RNF38: variants seen among roughly 807,000 people sequenced by gnomAD.
The protein encoded by RNF38 is E3 ubiquitin-protein ligase RNF38.
Under a neutral mutation model 67.2 loss-of-function variants are expected in RNF38, and 15 were observed. The observed-to-expected ratio is 0.22, with a 90% CI of 0.15 to 0.34. The LOEUF (loss-of-function observed/expected upper bound fraction) is 0.34, where lower values mean the gene tolerates loss of function less well. Among genes scored for constraint, RNF38 ranks in the 10% least tolerant of loss-of-function variants. The probability of loss-of-function intolerance (pLI) is 1.00; values close to 1 mark genes in which losing one functional copy is unlikely to be tolerated. For missense variants in RNF38, 524 were observed against 639.9 expected (o/e 0.82, Z 1.95); for synonymous variants, 220 against 218.8 (o/e 1.01, Z -0.05).
chr9:36,454,669 G>A (rs148253752), intron 1 of RNF38, among the ~76,000 whole-genome samples: 193 of 133,496 alleles, frequency 1.4e-3, no homozygotes, highest in African/African-American at 5.1e-3. Context: ...TGCAACCTCC[G>A]CCTCCCAGGT....
intron 1 of RNF38, among the ~76,000 whole-genome samples, chr9:36,391,598 G>C (rs1003409922): frequency 6.6e-6 from 1 of 151,284 alleles, no homozygotes; most frequent in African/African-American, 2.4e-5. Context: ...CAAAAACAAA[G>C]GCATCGTTTC....
In RNF38 at chr9:36,339,472, G is replaced by A. The variant is rs1035925304; in HGVS notation, c.*280C>T. The stretch of plus-strand genomic sequence containing the variant: ...CCACTGTAATCTTGCAGCAACACTC[G>A]GAATGATCACACAAAAACCAGGGAA... On this transcript the variant is annotated 3_prime_UTR_variant, in exon 12 of 12. Coordinates refer to ENST00000259605, the MANE Select transcript of RNF38 (RefSeq NM_022781.5). The A allele has an allele frequency of 1.8e-5, 7 of 399,970 alleles. No homozygotes were observed. The highest frequency in any genetic ancestry group is 8.0e-5 in the African/African-American group (4 of 50,270). 24.8% of individuals were successfully genotyped at this position (399,970 alleles called of 1,614,324 possible). A position where few individuals can be genotyped will look rare whatever the true frequency, so the allele number is the denominator to read the frequency against.
chr9:36,371,781 T>C (rs1238445521), intron 3 of RNF38, among the ~76,000 whole-genome samples: 1 of 152,084 alleles, frequency 6.6e-6, no homozygotes, highest in African/African-American at 2.4e-5. Flanking sequence ...TTTTCTCGTA[T>C]TGCCTTCTTC....
In RNF38 at chr9:36,376,426, G is replaced by A. The variant is rs149158213; in HGVS notation, c.163-299C>T. 7.9e-5 allele frequency among the ~76,000 whole-genome samples: 12 copies of A among 152,162 alleles called. No individual in the cohort carries two copies. In the East Asian group the frequency reaches 1.2e-3, roughly 15 times the overall value. ...TATAAAACAGCATAATAAAACTTTC[G>A]TGTAGTACTCGACCTTCTCTTTAAA... On this transcript the variant is annotated intron_variant, in intron 2 of 11. Transcript: ENST00000259605.
intron 1 of RNF38, among the ~76,000 whole-genome samples, chr9:36,427,240 G>C (rs1355621477): frequency 6.6e-6 from 1 of 152,172 alleles, no homozygotes; most frequent in African/African-American, 2.4e-5. Flanking sequence ...AGAAATAAAA[G>C]AAAGAGTTTT....
chr9:36,476,004 G>A (rs1220330183), intron 1 of RNF38, among the ~76,000 whole-genome samples: 1 of 80,420 alleles, frequency 1.2e-5, no homozygotes, highest in Non-Finnish European at 2.6e-5. Context: ...GCGGGACTCT[G>A]TTTCCAAAAA....
At chr9:36,435,603 C>G (rs1449020366) in intron 1 of RNF38, among the ~76,000 whole-genome samples, 1 of 150,464 alleles carries the variant, frequency 6.6e-6, no homozygotes, top group African/African-American at 2.4e-5. Context: ...CTGAACGTGC[C>G]TTGGCCTTAG....
Position 36,372,480 on chromosome 9 carries a change from C to T in RNF38, c.357-2548G>A, listed in dbSNP as rs1456027255. The T allele has an allele frequency of 5.9e-6, 4 of 680,282 alleles. No homozygotes were observed. In the East Asian group the frequency reaches 8.2e-5, roughly 14 times the overall value. The allele number at this position is 680,282 out of a possible 1,614,324, so 42.1% of individuals were successfully genotyped here. ...CACTTCATTCGTTTTTTTCAAATAC[C>T]TAGCTTTGTGCTCACCTCTGTAACT... On this transcript the variant is annotated intron_variant, in intron 3 of 11. Coordinates refer to ENST00000259605, the MANE Select transcript of RNF38 (RefSeq NM_022781.5).
chr9:36,427,657 CTCTATCTATCTA>C (rs146556210), intron 1 of RNF38, among the ~76,000 whole-genome samples: 4,794 of 147,126 alleles, frequency 0.033, 99 homozygotes, highest in African/African-American at 0.057. Context: ...ATTTCCCAGC[CTCTATCTATCTA>C]TCTATCTATC....
At position 36,487,315 on chromosome 9, in the gene RNF38, C is replaced by T. The variant is rs576335244; in HGVS notation, n.234G>A. ...CGCTCCGGGACCCCGTACCTGCTCC[C>T]GGCGCTCGGCCGCAGGCGCCGCCAC... On this transcript the variant is annotated non_coding_transcript_exon_variant, in exon 1 of 4. Transcript: ENST00000488058. 1.3e-5 allele frequency: 13 copies of T among 985,272 alleles called. No homozygotes were observed. The East Asian group carries it at 3.4e-4, about 26-fold the overall frequency. The allele number at this position is 985,272 out of a possible 1,614,324, so 61.0% of individuals were successfully genotyped here. A position where few individuals can be genotyped will look rare whatever the true frequency, so the allele number is the denominator to read the frequency against.
chr9:36,381,053 T>C (rs1221889807), intron 2 of RNF38, among the ~76,000 whole-genome samples: 1 of 152,230 alleles, frequency 6.6e-6, no homozygotes, highest in Non-Finnish European at 1.5e-5. Flanking sequence ...GTCTGCTCTG[T>C]GTTGACTTCG....
chr9:36,471,488 C>A (rs761965793), intron 1 of RNF38, among the ~76,000 whole-genome samples: 3 of 152,150 alleles, frequency 2.0e-5, no homozygotes, highest in Non-Finnish European at 4.4e-5. Flanking sequence ...CCACCCCAAC[C>A]TTTTTTAAAC....
chr9:36,435,976 ACT>A (rs1409347521), intron 1 of RNF38, among the ~76,000 whole-genome samples: 2 of 151,904 alleles, frequency 1.3e-5, no homozygotes, highest in Non-Finnish European at 2.9e-5. Context: ...GTTCTTTGCA[ACT>A]CTTTTTGTAT....
intron 3 of RNF38, among the ~76,000 whole-genome samples, chr9:36,375,557 G>A (rs979565557): frequency 6.6e-6 from 1 of 152,142 alleles, no homozygotes; most frequent in African/African-American, 2.4e-5. Flanking sequence ...AGAAGGAAAA[G>A]GAATGGAGTA....
At chr9:36,470,659 T>C (rs1157962612) in intron 1 of RNF38, among the ~76,000 whole-genome samples, 1 of 151,566 alleles carries the variant, frequency 6.6e-6, no homozygotes, top group Non-Finnish European at 1.5e-5. Context: ...CTAACCTTTG[T>C]TTGTATTGCT....
rs534928426 is a variant in RNF38, at chr9:36,384,017, T to C, written c.162+6450A>G. 9.8e-5 allele frequency among the ~76,000 whole-genome samples: 15 copies of C among 152,286 alleles called. 1 individual carries two copies. In the South Asian group the frequency reaches 2.9e-3, roughly 29 times the overall value. On this transcript the variant is annotated intron_variant, in intron 2 of 11. Transcript: ENST00000259605. The stretch of plus-strand genomic sequence containing the variant: ...TTTCCTAAGTCTAAGGAGGCCTGCA[T>C]GGCTAGTATTTGAGTAACAGACTAG...
intron 1 of RNF38, among the ~76,000 whole-genome samples, chr9:36,436,546 G>A (rs1839069656): frequency 1.3e-5 from 2 of 152,128 alleles, no homozygotes. Context: ...AATCGTAGCT[G>A]GGCGCAGTGG....
intron 2 of RNF38, among the ~76,000 whole-genome samples, chr9:36,410,080 C>G (rs1257769910): frequency 6.6e-6 from 1 of 152,050 alleles, no homozygotes; most frequent in African/African-American, 2.4e-5. Flanking sequence ...TCTCAAAATA[C>G]CTATCATTAC....
chr9:36,429,788 C>T (rs1009663290), intron 1 of RNF38, among the ~76,000 whole-genome samples: 1 of 151,998 alleles, frequency 6.6e-6, no homozygotes, highest in Non-Finnish European at 1.5e-5. Flanking sequence ...AGCAAGATTC[C>T]GTCTCAAGAA....
Sources: allele counts gnomAD v4.1 joint callset (sites outside exome capture counted in the v4.1 genomes callset), GRCh38; gene constraint gnomAD v4.1.1; transcripts MANE v1.5; gene names NCBI Gene and HGNC (gene_info 2026-07-23, HGNC 2026-07-21).